Variants in STX7 observed in about 807,000 individuals in gnomAD.
The protein encoded by STX7 is syntaxin-7.
Under a neutral mutation model 39.6 loss-of-function variants are expected in STX7, and 34 were observed. That is an observed-to-expected ratio of 0.86 (90% CI 0.65 to 1.14). The LOEUF is 1.14. Ranked by LOEUF, STX7 falls within the 50% of genes most tolerant of loss-of-function variation. STX7 has a pLI of 0.00. For synonymous variants in STX7, 119 were observed against 99.1 expected, an observed-to-expected ratio of 1.20 and a Z score of -1.19; for missense variants, 284 against 310.4, an observed-to-expected ratio of 0.92 and a Z score of 0.64.
chr6:132,470,508 AG>A, intron 6 of STX7, 65 bp downstream of exon 6: 1 of 1,165,456 alleles, frequency 8.6e-7, no homozygotes, highest in Non-Finnish European at 1.3e-6. Context: ...ATTCTGTTCC[AG>A]GGACCTTAAT....
intron 7 of STX7, among the ~76,000 whole-genome samples, chr6:132,469,305 CAT>C (rs975700854): frequency 6.6e-6 from 1 of 152,136 alleles, no homozygotes; most frequent in African/African-American, 2.4e-5. Context: ...TGATGTGTAT[CAT>C]GTGCTCTGGG....
At chr6:132,499,390 A>C (rs1326745853) in intron 2 of STX7, among the ~76,000 whole-genome samples, 1 of 152,206 alleles carries the variant, frequency 6.6e-6, no homozygotes, top group Non-Finnish European at 1.5e-5. Context: ...GATCAATGAC[A>C]TAAGCAGAGA....
intron 1 of STX7, among the ~76,000 whole-genome samples, chr6:132,507,059 C>T (rs1775721249): frequency 6.6e-6 from 1 of 152,120 alleles, no homozygotes; most frequent in Non-Finnish European, 1.5e-5. Context: ...AGAAAAAAGT[C>T]AAATGCTGCA....
rs900743657 is a variant in STX7, at chr6:132,452,512, T to TA, written c.*8245dup. The TA allele has an allele frequency of 5.9e-5, 9 of 151,982 alleles. No individual in the cohort carries two copies. 9.4% of individuals were successfully genotyped at this position (151,982 alleles called of 1,614,324 possible). ...TCCCAAGGAATCAATCAAAATCCCC[T>TA]AAAATGAGTAAGTGGGCTCAATAAG... is the stretch of plus-strand genomic sequence containing the variant. On this transcript the variant is annotated 3_prime_UTR_variant, in exon 10 of 10. Coordinates refer to ENST00000367941, the MANE Select transcript of STX7 (RefSeq NM_003569.3).
In STX7 at chr6:132,448,216, T is replaced by G. The variant is rs577654999; in HGVS notation, c.*12542A>C. The G allele has an allele frequency of 6.6e-6, 1 of 152,330 alleles. No homozygotes were observed. Among genetic ancestry groups the G allele is most frequent in the East Asian group, 1.9e-4 (1 of 5,190 alleles). The allele number at this position is 152,330 out of a possible 1,614,324, so 9.4% of individuals were successfully genotyped here. ...TGTAAAATGTTGCTAGTATTTTAAT[T>G]ACGCTCTTTTTTACTCCACAGAGTA... is the stretch of plus-strand genomic sequence containing the variant. On this transcript the variant is annotated 3_prime_UTR_variant, in exon 10 of 10. Transcript: ENST00000367941.
intron 8 of STX7, among the ~76,000 whole-genome samples, chr6:132,466,166 G>GT (rs1562322078): frequency 6.6e-6 from 1 of 152,048 alleles, no homozygotes; most frequent in African/African-American, 2.4e-5. Flanking sequence ...AGCTCGTATT[G>GT]AGGTCACCTA....
At chr6:132,472,768 T>C (rs1774764291) in intron 3 of STX7, among the ~76,000 whole-genome samples, 1 of 152,152 alleles carries the variant, frequency 6.6e-6, no homozygotes, top group Non-Finnish European at 1.5e-5. Context: ...AAAGATTTGT[T>C]ACCTTAGACT....
intron 2 of STX7, among the ~76,000 whole-genome samples, chr6:132,475,975 CT>C (rs1489215917): frequency 1.3e-5 from 2 of 151,906 alleles, no homozygotes; most frequent in African/African-American, 4.8e-5. Flanking sequence ...GACTTTAACA[CT>C]ACTAGCATAA....
Position 132,490,965 on chromosome 6 carries a change from GCAGCACAGCACAGCA to G in STX7, c.85+12466_85+12480del, listed in dbSNP as rs71545037. 1.1e-3 allele frequency among the ~76,000 whole-genome samples: 145 copies of G among 127,576 alleles called. No homozygotes were observed. In the Middle Eastern group the frequency reaches 0.012, roughly 10 times the overall value. The allele number at this position is 127,576 out of a possible 152,430, so 83.7% of individuals were successfully genotyped here. ...AGGAGGAAAGAAACAGTCCCTCAGT[GCAGCACAGCACAGCA>G]CAGCACAGCACAGCACAGCACAGCA... On this transcript the variant is annotated intron_variant, in intron 2 of 9. Coordinates refer to ENST00000367941, the MANE Select transcript of STX7 (RefSeq NM_003569.3).
rs1037182067 is a variant in STX7 at position 132,445,945 on chromosome 6, G to A, written c.*14813C>T. ...TTGAAGATTTTATAAATTACACATG[G>A]GGTTGTTATTACAATCTCTTCAGTG... On this transcript the variant is annotated 3_prime_UTR_variant, in exon 10 of 10. Coordinates refer to ENST00000367941, the MANE Select transcript of STX7 (RefSeq NM_003569.3). 6.6e-6 allele frequency: 1 copy of A among 152,022 alleles called. No individual in the cohort carries two copies. Among genetic ancestry groups the A allele is most frequent in the Non-Finnish European group, 1.5e-5 (1 of 68,002 alleles). 9.4% of individuals were successfully genotyped at this position (152,022 alleles called of 1,614,324 possible).
chr6:132,472,732 A>T (rs1225601230), intron 3 of STX7, among the ~76,000 whole-genome samples: 1 of 152,186 alleles, frequency 6.6e-6, no homozygotes, highest in Non-Finnish European at 1.5e-5. Context: ...TCTGCATCTC[A>T]CACCTGGAAG....
At chr6:132,486,704 A>G (rs1775142028) in intron 2 of STX7, among the ~76,000 whole-genome samples, 2 of 129,904 alleles carry the variant, frequency 1.5e-5, no homozygotes, top group African/African-American at 5.9e-5. Context: ...TTGCTCTGTC[A>G]TGCCCAGCCT....
intron 7 of STX7, among the ~76,000 whole-genome samples, chr6:132,469,289 C>T (rs1209131541): frequency 1.3e-5 from 2 of 152,076 alleles, no homozygotes; most frequent in African/African-American, 4.8e-5. Context: ...CTTACTCATG[C>T]AGGTATGATG....
rs2114309754 is a variant in STX7 at position 132,447,562 on chromosome 6, T to C, written c.*13196A>G. 1 of 152,124 alleles carries C rather than the reference T, an allele frequency of 6.6e-6. No individual in the cohort carries two copies. The highest frequency in any genetic ancestry group is 3.4e-3 in the Middle Eastern group (1 of 294). The allele number at this position is 152,124 out of a possible 1,614,324, so 9.4% of individuals were successfully genotyped here. A position where few individuals can be genotyped will look rare whatever the true frequency, so the allele number is the denominator to read the frequency against. Reference sequence around the variant, plus strand: ...TTCAAATACAACATAATAGTTTTTTTTTCCGTTTTGCCCTCTACATTTTTA... The same window carrying C: ...TTCAAATACAACATAATAGTTTTTTCTTCCGTTTTGCCCTCTACATTTTTA... On this transcript the variant is annotated 3_prime_UTR_variant, in exon 10 of 10. Coordinates refer to ENST00000367941, the MANE Select transcript of STX7 (RefSeq NM_003569.3).
chr6:132,463,951 GA>G, intron 9 of STX7, 41 bp downstream of exon 9: 2 of 1,585,742 alleles, frequency 1.3e-6, no homozygotes, highest in Non-Finnish European at 1.7e-6. Context: ...ACACACATAC[GA>G]AAAGGATAAG....
intron 8 of STX7, among the ~76,000 whole-genome samples, chr6:132,466,166 G>A (rs888203636): frequency 1.3e-5 from 2 of 152,048 alleles, no homozygotes; most frequent in Non-Finnish European, 2.9e-5. Context: ...AGCTCGTATT[G>A]AGGTCACCTA....
chr6:132,505,063 C>T (rs910658899), intron 1 of STX7, among the ~76,000 whole-genome samples: 3 of 152,202 alleles, frequency 2.0e-5, no homozygotes, highest in African/African-American at 7.2e-5. Context: ...ATTTCTCGCA[C>T]ATCTGCGACA....
Position 132,466,071 on chromosome 6 carries a change from A to G in STX7, c.611-1996T>C, listed in dbSNP as rs147600168. 1.1e-4 allele frequency among the ~76,000 whole-genome samples: 17 copies of G among 152,296 alleles called. No individual in the cohort carries two copies. In the East Asian group the frequency reaches 2.9e-3, roughly 26 times the overall value. On this transcript the variant is annotated intron_variant, in intron 8 of 9. Transcript: ENST00000367941. Reference sequence around the variant, plus strand: ...TCTTTACTCCTTGAAAGAGTTATCTATACTTGGTATCCACCACTGTTCTCC... The same window carrying G: ...TCTTTACTCCTTGAAAGAGTTATCTGTACTTGGTATCCACCACTGTTCTCC...
chr6:132,510,389 CA>C (rs1351406406), intron 1 of STX7, among the ~76,000 whole-genome samples: 3 of 151,634 alleles, frequency 2.0e-5, no homozygotes, highest in Admixed American at 2.0e-4. Flanking sequence ...ATAATAAAAG[CA>C]AAAAAATCTT....
Sources: gnomAD v4.1 joint callset for allele counts (sites outside exome capture counted in the v4.1 genomes callset) on GRCh38, gnomAD v4.1.1 for gene constraint, MANE v1.5 for transcripts, NCBI Gene and HGNC (gene_info 2026-07-23, HGNC 2026-07-21) for gene names.